Variants in SLC38A6 observed in about 807,000 individuals in gnomAD.
SLC38A6 encodes the protein N system amino acid transporter NAT-1.
Under a neutral mutation model 65.0 loss-of-function variants are expected in SLC38A6, and 73 were observed. The observed-to-expected ratio is 1.12, with a 90% CI of 0.93 to 1.37. SLC38A6 has a LOEUF of 1.37. Ranked by LOEUF, SLC38A6 falls within the 40% of genes most tolerant of loss-of-function variation. The pLI is 0.00. For missense variants in SLC38A6, 561 were observed against 531.1 expected (o/e 1.06, Z -0.55); for synonymous variants, 183 against 178.8 (o/e 1.02, Z -0.19).
intron 3 of SLC38A6, among the ~76,000 whole-genome samples, chr14:60,999,258 C>G (rs1378557978): frequency 6.6e-6 from 1 of 152,196 alleles, no homozygotes; most frequent in East Asian, 1.9e-4. Flanking sequence ...GTGCCCAGAA[C>G]ATAATCTCTT....
intron 3 of SLC38A6, among the ~76,000 whole-genome samples, chr14:61,010,498 T>C (rs542474235): frequency 6.6e-6 from 1 of 152,142 alleles, no homozygotes; most frequent in East Asian, 1.9e-4. Flanking sequence ...TTTTCTTCTA[T>C]GGTTTTTATG....
rs752011719 is a variant in SLC38A6 at position 61,043,466 on chromosome 14, A to T, written c.707A>T (p.Asp236Val). ...CTTAAACAGATTTCAAATGTTACAG[A>T]TGATTGTAAGCCAAAGCTCTTTCAT... ...EKGFQISNVT[D>V]DCKPKLFHFS... The change falls in exon 10 of 16, where the codon GAT (aspartate) becomes GTT (valine). Residue 236 changes from aspartate to valine, a missense_variant. Asp to Val is a radical substitution (Grantham distance 152). Transcript: ENST00000267488. 6.2e-7 allele frequency: 1 copy of T among 1,608,186 alleles called. No homozygotes were observed. The highest frequency in any genetic ancestry group is 8.5e-7 in the Non-Finnish European group (1 of 1,177,766).
intron 1 of SLC38A6, chr14:60,981,674 ATG>A (rs1461041829): frequency 7.2e-7 from 1 of 1,398,568 alleles, no homozygotes; most frequent in South Asian, 1.2e-5. Flanking sequence ...CCCTAGGATT[ATG>A]TACTCACTGC....
chr14:61,006,700 A>G (rs2039147280), intron 3 of SLC38A6, among the ~76,000 whole-genome samples: 2 of 152,242 alleles, frequency 1.3e-5, no homozygotes, highest in Admixed American at 1.3e-4. Context: ...GATGTGGAGA[A>G]ATAGAAACAC....
At chr14:61,015,235 G>A (rs746368317) in intron 3 of SLC38A6, among the ~76,000 whole-genome samples, 13 of 152,282 alleles carry the variant, frequency 8.5e-5, no homozygotes, top group East Asian at 3.9e-4. Flanking sequence ...TTGGAAAAGC[G>A]CAGTATTAGG....
intron 6 of SLC38A6, among the ~76,000 whole-genome samples, chr14:61,035,522 C>G (rs745898387): frequency 1.3e-5 from 2 of 152,076 alleles, no homozygotes; most frequent in Non-Finnish European, 2.9e-5. Flanking sequence ...AGAATTTTCT[C>G]TATTTTATTT....
chr14:60,981,602 A>G, intron 1 of SLC38A6: 1 of 1,491,756 alleles, frequency 6.7e-7, no homozygotes, highest in East Asian at 2.7e-5. Flanking sequence ...GAAAAGATGA[A>G]AAGCGTCGGG....
At chr14:61,074,059 CTG>C (rs2043317104) in intron 15 of SLC38A6, 1 of 152,222 alleles carries the variant, frequency 6.6e-6, no homozygotes, top group African/African-American at 2.4e-5. Context: ...TGTTAATCAA[CTG>C]TTATTGGTAG....
chr14:61,042,037 A>G (rs1336385268), intron 8 of SLC38A6, among the ~76,000 whole-genome samples: 2 of 151,804 alleles, frequency 1.3e-5, no homozygotes, highest in African/African-American at 2.4e-5. Flanking sequence ...TGATTTTGTT[A>G]TTTCCTTTTG....
At chr14:61,031,463 G>C (rs1215763017) in intron 6 of SLC38A6, among the ~76,000 whole-genome samples, 2 of 151,952 alleles carry the variant, frequency 1.3e-5, no homozygotes, top group Non-Finnish European at 2.9e-5. Context: ...AGAAAAGTGT[G>C]GTGTACTTTA....
Position 60,988,077 on chromosome 14 carries a change from A to C in SLC38A6, c.310+3274A>C, listed in dbSNP as rs574375229. Among the ~76,000 whole-genome samples the C allele has an allele frequency of 3.9e-5, 6 of 152,248 alleles. No individual in the cohort carries two copies. In the South Asian group the frequency reaches 1.2e-3, roughly 32 times the overall value. On this transcript the variant is annotated intron_variant, in intron 3 of 15. Coordinates refer to ENST00000267488, the MANE Select transcript of SLC38A6 (RefSeq NM_153811.3). ...TGGAACTCACAGTCAATCATCAGCA[A>C]AACTCACATGTCTCTAATTCTCTTC...
Position 61,011,867 on chromosome 14 carries a change from G to C in SLC38A6, c.311-4037G>C, listed in dbSNP as rs552544989. On this transcript the variant is annotated intron_variant, in intron 3 of 15. Coordinates refer to ENST00000267488, the MANE Select transcript of SLC38A6 (RefSeq NM_153811.3). ...TCTTTTTTTGGTTGTGTCTCTGCCA[G>C]ACTTTGGTATCAGGATAATGCTGGC... 2.6e-5 allele frequency among the ~76,000 whole-genome samples: 4 copies of C among 152,308 alleles called. No homozygotes were observed. In the South Asian group the frequency reaches 8.3e-4, roughly 32 times the overall value.
At chr14:61,014,883 C>T (rs2039876209) in intron 3 of SLC38A6, among the ~76,000 whole-genome samples, 3 of 152,196 alleles carry the variant, frequency 2.0e-5, no homozygotes, top group South Asian at 4.1e-4. Context: ...CAGCTGCGTG[C>T]TGGGAGAACC....
At chr14:61,065,557 G>C (rs546525772) in intron 15 of SLC38A6, among the ~76,000 whole-genome samples, 1 of 152,232 alleles carries the variant, frequency 6.6e-6, no homozygotes, top group South Asian at 2.1e-4. Flanking sequence ...TCATATCCCT[G>C]GGGTAGTGAA....
In SLC38A6 at chr14:61,077,611, C is replaced by T. The variant is rs182895183; in HGVS notation, c.1291-1199C>T. On this transcript the variant is annotated intron_variant, in intron 15 of 16. Transcript: ENST00000354886. ...CAGGGAAGCAAAATACTTGGAGCCT[C>T]TCCTTGTCTTTGTCTAAAGATTTGT... 6.4e-4 allele frequency among the ~76,000 whole-genome samples: 97 copies of T among 152,296 alleles called. 3 individuals carry two copies. The highest frequency in any genetic ancestry group is 1.5e-4 in the Non-Finnish European group (10 of 68,026).
In SLC38A6 at chr14:61,063,295, C is replaced by G. The variant is rs140749697; in HGVS notation, c.1290+11160C>G. 2.3e-3 allele frequency among the ~76,000 whole-genome samples: 351 copies of G among 152,274 alleles called. 1 individual carries two copies. The highest frequency in any genetic ancestry group is 4.2e-3 in the Non-Finnish European group (286 of 68,016). ...TAAAAACTTTTATAACTTTCCTCTT[C>G]TGTTCATTATGAGATAGACCTGTGA... On this transcript the variant is annotated intron_variant, in intron 15 of 16. Transcript: ENST00000354886.
At chr14:61,025,575 T>C (rs1035437842) in intron 5 of SLC38A6, among the ~76,000 whole-genome samples, 1 of 152,190 alleles carries the variant, frequency 6.6e-6, no homozygotes, top group Non-Finnish European at 1.5e-5. Context: ...TGGTAGTGTA[T>C]CTTTTTTAAG....
At chr14:61,013,844 A>G (rs1461841971) in intron 3 of SLC38A6, among the ~76,000 whole-genome samples, 1 of 152,102 alleles carries the variant, frequency 6.6e-6, no homozygotes, top group African/African-American at 2.4e-5. Context: ...ACTTTGGTGA[A>G]TCTGACAATT....
At position 60,988,941 on chromosome 14, in the gene SLC38A6, C is replaced by G. The variant is rs2037654772; in HGVS notation, c.310+4138C>G. On this transcript the variant is annotated intron_variant, in intron 3 of 15. Coordinates refer to ENST00000267488, the MANE Select transcript of SLC38A6 (RefSeq NM_153811.3). ...TCACTATAATTCAACGTCTAGTGTACCTATGATGCTATCACACAATTCTGG... is the reference window on the plus strand; with the variant it reads ...TCACTATAATTCAACGTCTAGTGTAGCTATGATGCTATCACACAATTCTGG... Among the ~76,000 whole-genome samples, 2 of 152,194 alleles carry G rather than the reference C, an allele frequency of 1.3e-5. 1 individual carries two copies. Among genetic ancestry groups the G allele is most frequent in the South Asian group, 4.1e-4 (2 of 4,836 alleles).
Sources: allele counts gnomAD v4.1 joint callset (sites outside exome capture counted in the v4.1 genomes callset), GRCh38; gene constraint gnomAD v4.1.1; transcripts MANE v1.5; gene names NCBI Gene and HGNC (gene_info 2026-07-23, HGNC 2026-07-21).